The following DEK variants were observed in gnomAD, a reference collection of about 807,000 sequenced individuals.
DEK encodes protein DEK.
A neutral mutation model predicts 46.8 loss-of-function variants in DEK; 28 were observed. That is an observed-to-expected ratio of 0.60 (90% CI 0.44 to 0.82). The LOEUF (loss-of-function observed/expected upper bound fraction) is 0.82. DEK is among the 40% of genes least tolerant of loss of function. The probability of loss-of-function intolerance (pLI) is 0.00; values close to 1 mark genes in which losing one functional copy is unlikely to be tolerated. For synonymous variants in DEK, 160 were observed against 144.5 expected (o/e 1.11, Z -0.77); for missense variants, 416 against 430.6 (o/e 0.97, Z 0.30).
chr6:18,240,532 T>C (rs1420056817), intron 7 of DEK, among the ~76,000 whole-genome samples: 2 of 152,222 alleles, frequency 1.3e-5, no homozygotes, highest in East Asian at 1.9e-4. Context: ...AGATGAAAAG[T>C]ATTTTTGGTA....
intron 7 of DEK, among the ~76,000 whole-genome samples, chr6:18,246,960 TAAAG>T (rs907828789): frequency 1.3e-5 from 2 of 152,214 alleles, no homozygotes; most frequent in Non-Finnish European, 2.9e-5. Context: ...TTTCCTATCA[TAAAG>T]AAATCTACAG....
chr6:18,264,053 G>C (rs903019504), intron 1 of DEK, 57 bp from the exon 2 acceptor site: 32 of 1,496,214 alleles, frequency 2.1e-5, no homozygotes, highest in Non-Finnish European at 2.5e-5. Flanking sequence ...AGGCAGGACC[G>C]GGCGGCCACC....
At chr6:18,240,080 G>A (rs2151083510) in intron 7 of DEK, among the ~76,000 whole-genome samples, 1 of 152,228 alleles carries the variant, frequency 6.6e-6, no homozygotes, top group Non-Finnish European at 1.5e-5. Flanking sequence ...TACTTCCAAA[G>A]CCTTTTAAGG....
chr6:18,259,129 G>A (rs1791727587), intron 2 of DEK, among the ~76,000 whole-genome samples: 1 of 151,970 alleles, frequency 6.6e-6, no homozygotes, highest in Non-Finnish European at 1.5e-5. Context: ...AGGAGATCAA[G>A]ACCATCCCGG....
chr6:18,233,676 T>C (rs188027283), intron 9 of DEK, among the ~76,000 whole-genome samples: 2 of 152,196 alleles, frequency 1.3e-5, no homozygotes, highest in East Asian at 3.9e-4. Flanking sequence ...AGAATGGAGA[T>C]CATCAAAAAG....
intron 9 of DEK, among the ~76,000 whole-genome samples, chr6:18,227,349 T>C (rs143385932): frequency 6.0e-4 from 92 of 152,316 alleles, no homozygotes; most frequent in African/African-American, 2.2e-3. Context: ...ATGCGGGCAG[T>C]AATACTGTAA....
chr6:18,235,008 G>A (rs1790585608), intron 9 of DEK, among the ~76,000 whole-genome samples: 1 of 152,050 alleles, frequency 6.6e-6, no homozygotes, highest in Non-Finnish European at 1.5e-5. Context: ...TTTACATGAA[G>A]GTATTCACAA....
intron 7 of DEK, among the ~76,000 whole-genome samples, chr6:18,246,425 G>C (rs1354877678): frequency 6.6e-6 from 1 of 152,250 alleles, no homozygotes. Context: ...CAAAACTATT[G>C]TGACTCACTC....
At position 18,225,166 on chromosome 6, in the gene DEK, T is replaced by C. The variant is rs1039557152; in HGVS notation, c.*553A>G. On this transcript the variant is annotated 3_prime_UTR_variant, in exon 11 of 11. Transcript: ENST00000652689. The stretch of plus-strand genomic sequence containing the variant: ...AAAATAACATCTGTCACTTTTGTCA[T>C]GCTGACAATTTGACATATATACACA... 1 of 223,428 alleles carries C rather than the reference T, an allele frequency of 4.5e-6. No individual in the cohort carries two copies. The highest frequency in any genetic ancestry group is 8.9e-6 in the Non-Finnish European group (1 of 111,914). The allele number at this position is 223,428 out of a possible 1,614,324, so 13.8% of individuals were successfully genotyped here.
Position 18,226,155 on chromosome 6 carries a change from G to T in DEK, c.1116+19C>A. The T allele has an allele frequency of 3.1e-6, 4 of 1,295,250 alleles. No individual in the cohort carries two copies. The highest frequency in any genetic ancestry group is 3.1e-6 in the Non-Finnish European group (3 of 975,866). The allele number at this position is 1,295,250 out of a possible 1,614,324, so 80.2% of individuals were successfully genotyped here. ...GTCTTATATTTCTAAAGTCAAACTT[G>T]AAAGACTGAAATATTTACCTCTTTT... is the stretch of plus-strand genomic sequence containing the variant. On this transcript the variant is annotated intron_variant, in intron 10 of 10. Coordinates refer to ENST00000652689, the MANE Select transcript of DEK (RefSeq NM_003472.4).
At chr6:18,229,896 C>T (rs535587357) in intron 9 of DEK, among the ~76,000 whole-genome samples, 245 of 152,044 alleles carry the variant, frequency 1.6e-3, no homozygotes, top group Middle Eastern at 6.8e-3. Context: ...AAATACTCCT[C>T]GAGAAGAGCA....
intron 2 of DEK, among the ~76,000 whole-genome samples, chr6:18,259,412 A>T (rs1194078249): frequency 8.9e-6 from 1 of 112,170 alleles, no homozygotes; most frequent in Admixed American, 8.9e-5. Context: ...AAAAAAAAAA[A>T]AAAAAAAAAA....
intron 7 of DEK, chr6:18,244,494 A>T (rs2151085832): frequency 1.6e-6 from 2 of 1,275,908 alleles, no homozygotes; most frequent in Non-Finnish European, 1.0e-6. Flanking sequence ...AAATCTTGGG[A>T]AAGCAAGGCT....
intron 7 of DEK, 37 bp downstream of exon 7, chr6:18,249,614 G>T (rs766934022): frequency 4.7e-6 from 7 of 1,482,784 alleles, no homozygotes; most frequent in Non-Finnish European, 6.3e-6. Context: ...TCTCCCCATG[G>T]AAAGAAATGA....
intron 2 of DEK, among the ~76,000 whole-genome samples, chr6:18,262,801 T>C (rs1791936627): frequency 6.6e-6 from 1 of 152,260 alleles, no homozygotes; most frequent in African/African-American, 2.4e-5. Context: ...CAATAGTTTA[T>C]GTGAAAACTT....
intron 6 of DEK, 31 bp from the exon 7 acceptor site, chr6:18,249,870 T>C: frequency 6.4e-7 from 1 of 1,559,546 alleles, no homozygotes; most frequent in Admixed American, 2.1e-5. Context: ...ATAACACCAA[T>C]GAGGTATAAT....
chr6:18,258,638 TA>T (rs953582015), intron 2 of DEK, among the ~76,000 whole-genome samples: 2,421 of 147,942 alleles, frequency 0.016, 66 homozygotes, highest in African/African-American at 0.056. Flanking sequence ...GGGACTCAGT[TA>T]AAAAAAAAAA....
chr6:18,229,950 A>G (rs1790334034), intron 9 of DEK, among the ~76,000 whole-genome samples: 1 of 152,232 alleles, frequency 6.6e-6, no homozygotes, highest in Admixed American at 6.5e-5. Flanking sequence ...GCTGAAATGA[A>G]GGAAAAAATG....
chr6:18,259,306 A>G (rs1235718800), intron 2 of DEK, among the ~76,000 whole-genome samples: 2 of 147,454 alleles, frequency 1.4e-5, no homozygotes, highest in African/African-American at 5.0e-5. Flanking sequence ...GAGGCAGGAG[A>G]AAGGCATGAA....
Sources: gnomAD v4.1 joint callset for allele counts (sites outside exome capture counted in the v4.1 genomes callset) on GRCh38, gnomAD v4.1.1 for gene constraint, MANE v1.5 for transcripts, NCBI Gene and HGNC (gene_info 2026-07-23, HGNC 2026-07-21) for gene names.